ADGRB3: variants seen among roughly 807,000 people sequenced by gnomAD.
ADGRB3 encodes the protein adhesion G protein-coupled receptor B3, also known as brain-specific angiogenesis inhibitor 3.
In ADGRB3, 37 loss-of-function variants were observed where a neutral mutation model predicts 193.4. The ratio of observed to expected loss-of-function variants is 0.19; its 90% CI spans 0.15 to 0.25. ADGRB3 has a LOEUF of 0.25. Ranked by LOEUF, ADGRB3 falls within the 10% of genes least tolerant of loss-of-function variation. The pLI is 1.00. For synonymous variants in ADGRB3, 690 were observed against 644.2 expected (o/e 1.07, Z -1.08); for missense variants, 1,637 against 1,852.9 (o/e 0.88, Z 2.14).
intron 3 of ADGRB3, among the ~76,000 whole-genome samples, chr6:68,665,631 C>T (rs752984350): frequency 1.3e-5 from 2 of 151,770 alleles, no homozygotes; most frequent in African/African-American, 2.4e-5. Context: ...TAATGTTAAA[C>T]TATCATGAAC....
chr6:69,263,371 T>C (rs561517073), intron 20 of ADGRB3, among the ~76,000 whole-genome samples: 2 of 152,174 alleles, frequency 1.3e-5, no homozygotes, highest in African/African-American at 2.4e-5. Context: ...AAAATCATGA[T>C]GGTAAGAAGA....
At chr6:68,672,776 A>G (rs1175099282) in intron 3 of ADGRB3, among the ~76,000 whole-genome samples, 1 of 152,086 alleles carries the variant, frequency 6.6e-6, no homozygotes, top group Non-Finnish European at 1.5e-5. Context: ...TGTAATTAAT[A>G]TTTAAGTTAG....
intron 10 of ADGRB3, among the ~76,000 whole-genome samples, chr6:68,989,784 G>A (rs193070197): frequency 3.7e-4 from 56 of 152,210 alleles, no homozygotes; most frequent in African/African-American, 1.3e-3. Flanking sequence ...ATACTTTGTA[G>A]GTAACTGGAA....
intron 3 of ADGRB3, among the ~76,000 whole-genome samples, chr6:68,659,637 T>G (rs996505899): frequency 4.6e-5 from 7 of 151,106 alleles, no homozygotes; most frequent in South Asian, 4.1e-4. Context: ...TATGTTATCT[T>G]TTTAAAAGTT....
At chr6:69,201,359 C>G (rs1765413636) in intron 17 of ADGRB3, among the ~76,000 whole-genome samples, 1 of 152,034 alleles carries the variant, frequency 6.6e-6, no homozygotes, top group South Asian at 2.1e-4. Flanking sequence ...CTGTTTCTTC[C>G]TGAACTTCTT....
chr6:68,937,920 A>T (rs957549256), intron 5 of ADGRB3, among the ~76,000 whole-genome samples: 1 of 152,194 alleles, frequency 6.6e-6, no homozygotes. Context: ...TTTACATTAT[A>T]TGCTTTTTAT....
At chr6:69,330,684 G>A in intron 23 of ADGRB3, 112 bp downstream of exon 23, 1 of 719,898 alleles carries the variant, frequency 1.4e-6, no homozygotes, top group Non-Finnish European at 2.2e-6. Flanking sequence ...AAATTTTAAA[G>A]TTCAATGGAC....
At position 68,741,646 on chromosome 6, in the gene ADGRB3, G is replaced by A. The variant is rs1433138730; in HGVS notation, c.757+102214G>A. 3.9e-5 allele frequency among the ~76,000 whole-genome samples: 6 copies of A among 152,042 alleles called. No homozygotes were observed. The East Asian group carries it at 5.8e-4, about 15-fold the overall frequency. On this transcript the variant is annotated intron_variant, in intron 3 of 31. Transcript: ENST00000370598. The stretch of plus-strand genomic sequence containing the variant: ...CAAGTGATCCTCCCACCTCACCCTC[G>A]CAAAGTTCTGAGACTACAGGCTTGA...
intron 3 of ADGRB3, among the ~76,000 whole-genome samples, chr6:68,711,102 C>T (rs1444181690): frequency 6.6e-6 from 1 of 152,132 alleles, no homozygotes; most frequent in East Asian, 1.9e-4. Flanking sequence ...CAGGCCAGCT[C>T]TCTCCCTGCC....
chr6:68,821,558 T>C (rs1052646995), intron 3 of ADGRB3, among the ~76,000 whole-genome samples: 2 of 151,902 alleles, frequency 1.3e-5, no homozygotes, highest in Non-Finnish European at 2.9e-5. Context: ...CATTCCTTAA[T>C]GGCCTCACTT....
At chr6:69,071,544 A>C (rs939293413) in intron 16 of ADGRB3, among the ~76,000 whole-genome samples, 5 of 152,182 alleles carry the variant, frequency 3.3e-5, no homozygotes, top group Non-Finnish European at 5.9e-5. Context: ...GCATTTTTTA[A>C]ATGCTTAAAA....
chr6:69,243,453 A>T (rs1260826728), intron 20 of ADGRB3, among the ~76,000 whole-genome samples: 1 of 151,892 alleles, frequency 6.6e-6, no homozygotes, highest in Non-Finnish European at 1.5e-5. Flanking sequence ...AATCCTCCTA[A>T]TCCAATGTCT....
chr6:69,213,997 C>T (rs912338344), intron 17 of ADGRB3, among the ~76,000 whole-genome samples: 7 of 151,956 alleles, frequency 4.6e-5, no homozygotes, highest in Non-Finnish European at 1.0e-4. Flanking sequence ...AACCACTATA[C>T]AATATGCTAT....
At chr6:69,327,717 G>A in intron 21 of ADGRB3, 103 bp from the exon 22 acceptor site, 1 of 828,716 alleles carries the variant, frequency 1.2e-6, no homozygotes, top group African/African-American at 1.8e-5. Flanking sequence ...TCCAAAGATA[G>A]TTTATCTAAT....
intron 26 of ADGRB3, among the ~76,000 whole-genome samples, chr6:69,342,228 A>C (rs1435054025): frequency 6.6e-6 from 1 of 152,172 alleles, no homozygotes; most frequent in Admixed American, 6.6e-5. Context: ...ATATGGATAC[A>C]TCTCTGTTGT....
At chr6:68,819,548 T>G (rs1477982599) in intron 3 of ADGRB3, among the ~76,000 whole-genome samples, 2 of 152,040 alleles carry the variant, frequency 1.3e-5, no homozygotes, top group African/African-American at 4.8e-5. Context: ...ATCTCAAATC[T>G]CTATATGTAG....
chr6:68,889,063 C>G (rs940157552), intron 3 of ADGRB3, among the ~76,000 whole-genome samples: 3 of 152,064 alleles, frequency 2.0e-5, no homozygotes, highest in African/African-American at 4.8e-5. Context: ...AAGACAAAGG[C>G]TGTAAGAGGT....
chr6:69,232,593 G>C (rs560598690), intron 17 of ADGRB3: 1 of 1,535,672 alleles, frequency 6.5e-7, no homozygotes, highest in East Asian at 2.4e-5. Context: ...CGTCAGAGGC[G>C]AGCTGGACTG....
At chr6:69,132,175 G>C (rs1326791888) in intron 17 of ADGRB3, among the ~76,000 whole-genome samples, 1 of 151,982 alleles carries the variant, frequency 6.6e-6, no homozygotes, top group African/African-American at 2.4e-5. Context: ...TGGTATTTCT[G>C]ATTCTAGATC....
Sources: allele counts gnomAD v4.1 joint callset (sites outside exome capture counted in the v4.1 genomes callset), GRCh38; gene constraint gnomAD v4.1.1; transcripts MANE v1.5; gene names NCBI Gene and HGNC (gene_info 2026-07-23, HGNC 2026-07-21).